Variants in BMPER observed in about 807,000 individuals in gnomAD.
BMPER encodes BMP-binding endothelial regulator protein.
A neutral mutation model predicts 87.3 loss-of-function variants in BMPER; 45 were observed. The ratio of observed to expected loss-of-function variants is 0.52; its 90% CI spans 0.41 to 0.66. The LOEUF (loss-of-function observed/expected upper bound fraction) is 0.66, where lower values mean the gene tolerates loss of function less well. Among genes scored for constraint, BMPER ranks in the 30% least tolerant of loss-of-function variants. The pLI is 0.00. For synonymous variants in BMPER, 326 were observed against 316.2 expected (o/e 1.03, Z -0.33); for missense variants, 784 against 867.5 (o/e 0.90, Z 1.21).
chr7:33,925,815 C>T (rs1226767345), intron 2 of BMPER, among the ~76,000 whole-genome samples: 1 of 152,084 alleles, frequency 6.6e-6, no homozygotes, highest in African/African-American at 2.4e-5. Context: ...ATTGTCAATC[C>T]CAAAACGCTG....
intron 13 of BMPER, among the ~76,000 whole-genome samples, chr7:34,138,306 T>C (rs1408327611): frequency 6.6e-6 from 1 of 152,150 alleles, no homozygotes; most frequent in Non-Finnish European, 1.5e-5. Context: ...ACAGGTCAGT[T>C]CTGATCCCAC....
At chr7:33,970,755 C>A (rs895887927) in intron 5 of BMPER, among the ~76,000 whole-genome samples, 8 of 152,118 alleles carry the variant, frequency 5.3e-5, no homozygotes, top group Non-Finnish European at 1.2e-4. Context: ...ATTGCAAAAT[C>A]CTGGCCAGAG....
At chr7:34,072,249 G>A (rs922994226) in intron 11 of BMPER, among the ~76,000 whole-genome samples, 1 of 152,156 alleles carries the variant, frequency 6.6e-6, no homozygotes, top group Non-Finnish European at 1.5e-5. Context: ...TACTAGCCAC[G>A]CTGGATTGCT....
intron 6 of BMPER, among the ~76,000 whole-genome samples, chr7:33,979,241 T>C (rs911280121): frequency 1.3e-5 from 2 of 151,858 alleles, no homozygotes; most frequent in Admixed American, 1.3e-4. Flanking sequence ...TATTACTCTG[T>C]TTTGCCTCCA....
At chr7:33,975,379 G>A (rs1785660036) in intron 6 of BMPER, among the ~76,000 whole-genome samples, 2 of 152,220 alleles carry the variant, frequency 1.3e-5, no homozygotes, top group South Asian at 4.2e-4. Context: ...GGAGGAAATC[G>A]CCTGAAATGG....
At chr7:34,117,500 G>T (rs1009432366) in intron 13 of BMPER, among the ~76,000 whole-genome samples, 1 of 152,184 alleles carries the variant, frequency 6.6e-6, no homozygotes, top group African/African-American at 2.4e-5. Flanking sequence ...CTGTTAGGTT[G>T]ATAATCACTC....
intron 7 of BMPER, among the ~76,000 whole-genome samples, chr7:34,051,231 C>T (rs1788140271): frequency 6.6e-6 from 1 of 152,120 alleles, no homozygotes. Context: ...CCTCCTAATA[C>T]CATTACATTG....
chr7:33,966,543 T>G lies in BMPER; in HGVS notation c.384T>G (p.Cys128Trp), dbSNP rs1785410531. ...AATGGCAGAGCCCGGCTGAGCCTTGTGTTCTACGCCAGTGCCAGGTAAAGT... is the reference window on the plus strand; with the variant it reads ...AATGGCAGAGCCCGGCTGAGCCTTGGGTTCTACGCCAGTGCCAGGTAAAGT... ...SFKWQSPAEP[C>W]VLRQCQEGVV... The change falls in exon 4 of 15, where the codon TGT becomes TGG. Residue 128 changes from cysteine (C) to tryptophan (W), a missense_variant. Physicochemically the swap from Cys to Trp is radical, Grantham distance 215. Transcript: ENST00000649409. The G allele has an allele frequency of 6.2e-7, 1 of 1,613,702 alleles. No homozygotes were observed. Among genetic ancestry groups the G allele is most frequent in the South Asian group, 1.1e-5 (1 of 91,084 alleles).
intron 13 of BMPER, among the ~76,000 whole-genome samples, chr7:34,141,911 G>C (rs1192233190): frequency 1.3e-5 from 2 of 152,144 alleles, no homozygotes. Flanking sequence ...ACAGTGTGTC[G>C]ATTTTATACC....
Position 34,079,137 on chromosome 7 carries a change from C to T in BMPER, c.1359C>T (p.His453=), listed in dbSNP as rs1259590354. ...TCGCGCTCCCCTGCCGCGCGCCACA[C>T]TTCCACATCGACCTGGATGGCTACC... is the stretch of plus-strand genomic sequence containing the variant. ...SRIALPCRAP[H]FHIDLDGYLL... Residue 453 remains histidine, a synonymous_variant, in exon 12 of 15, where the codon CAC becomes CAT. Transcript: ENST00000649409. 4 of 1,613,904 alleles carry T rather than the reference C, an allele frequency of 2.5e-6. No individual in the cohort carries two copies. The East Asian group carries it at 8.9e-5, about 36-fold the overall frequency.
rs1789416610 is a variant in BMPER at position 34,092,561 on chromosome 7, G to C, written c.1745+6469G>C. ...CTAATAGTCGCATCCCTTTTGCCCTGTCATTGGCTCTGAGCCTTCTGTCAG... is the reference window on the plus strand; with the variant it reads ...CTAATAGTCGCATCCCTTTTGCCCTCTCATTGGCTCTGAGCCTTCTGTCAG... On this transcript the variant is annotated intron_variant, in intron 13 of 14. Transcript: ENST00000649409. Among the ~76,000 whole-genome samples, 3 of 152,174 alleles carry C rather than the reference G, an allele frequency of 2.0e-5. No homozygotes were observed. The South Asian group carries it at 6.2e-4, about 32-fold the overall frequency.
intron 6 of BMPER, among the ~76,000 whole-genome samples, chr7:33,979,389 A>G (rs1200515514): frequency 4.0e-5 from 6 of 151,344 alleles, no homozygotes; most frequent in Non-Finnish European, 7.4e-5. Context: ...AGGAGAAGCA[A>G]CTGTTTTCTC....
intron 6 of BMPER, among the ~76,000 whole-genome samples, chr7:34,002,798 CT>C (rs1786616573): frequency 6.6e-6 from 1 of 151,554 alleles, no homozygotes; most frequent in Admixed American, 6.6e-5. Flanking sequence ...GTCTTAAAGA[CT>C]TTTTTGTTTG....
intron 13 of BMPER, among the ~76,000 whole-genome samples, chr7:34,135,133 T>C (rs1357820452): frequency 6.6e-6 from 1 of 152,150 alleles, no homozygotes; most frequent in African/African-American, 2.4e-5. Flanking sequence ...TTGGAATGTA[T>C]AAGTAAGCAA....
intron 6 of BMPER, among the ~76,000 whole-genome samples, chr7:34,025,930 T>A (rs1000900701): frequency 1.3e-5 from 2 of 151,336 alleles, no homozygotes; most frequent in Non-Finnish European, 2.9e-5. Flanking sequence ...CTCCAGGGAG[T>A]GTGTGAGGGC....
chr7:34,058,858 C>T (rs1304218929), intron 10 of BMPER, among the ~76,000 whole-genome samples: 1 of 151,986 alleles, frequency 6.6e-6, no homozygotes, highest in East Asian at 1.9e-4. Flanking sequence ...AAAATATATC[C>T]ATATATTCAG....
At chr7:33,997,801 A>G (rs1786459129) in intron 6 of BMPER, among the ~76,000 whole-genome samples, 1 of 152,206 alleles carries the variant, frequency 6.6e-6, no homozygotes, top group Non-Finnish European at 1.5e-5. Context: ...ATGCCCACAT[A>G]TCTGACTTCT....
intron 14 of BMPER, among the ~76,000 whole-genome samples, chr7:34,144,873 G>A (rs73690175): frequency 0.08 from 12,121 of 152,236 alleles, 1,242 homozygotes; most frequent in African/African-American, 0.24. Context: ...CATCTCAGAA[G>A]AGAAGGCCAC....
At chr7:34,079,473 G>A (rs1788955503) in intron 12 of BMPER, among the ~76,000 whole-genome samples, 1 of 152,118 alleles carries the variant, frequency 6.6e-6, no homozygotes, top group African/African-American at 2.4e-5. Flanking sequence ...TCCATCCTCT[G>A]TCTAAAAATA....
Sources: gnomAD v4.1 joint callset for allele counts (sites outside exome capture counted in the v4.1 genomes callset) on GRCh38, gnomAD v4.1.1 for gene constraint, MANE v1.5 for transcripts, NCBI Gene and HGNC (gene_info 2026-07-23, HGNC 2026-07-21) for gene names.